EAF1: variants seen among roughly 807,000 people sequenced by gnomAD.
EAF1 encodes the protein ELL-associated factor 1.
EAF1 carries 19 observed loss-of-function variants against 26.6 expected under a neutral mutation model. That is an observed-to-expected ratio of 0.71 (90% CI 0.50 to 1.05). The LOEUF is 1.05. Among genes scored for constraint, EAF1 ranks in the 50% least tolerant of loss-of-function variants. The pLI is 0.00. For missense variants in EAF1, 260 were observed against 335.5 expected, an observed-to-expected ratio of 0.78 and a Z score of 1.76; for synonymous variants, 102 against 120.6, an observed-to-expected ratio of 0.85 and a Z score of 1.01.
intron 1 of EAF1, among the ~76,000 whole-genome samples, 164 bp from the exon 2 acceptor site, chr3:15,429,749 T>G (rs1393456186): frequency 6.6e-6 from 1 of 152,264 alleles, no homozygotes; most frequent in African/African-American, 2.4e-5. Context: ...TCTCTACTTT[T>G]GTGTATCTGA....
intron 4 of EAF1, among the ~76,000 whole-genome samples, chr3:15,434,805 C>T (rs1418878614): frequency 6.6e-6 from 1 of 152,196 alleles, no homozygotes; most frequent in African/African-American, 2.4e-5. Context: ...TTTAAACAAG[C>T]ATGACTTCCA....
intron 5 of EAF1, among the ~76,000 whole-genome samples, chr3:15,436,901 G>A (rs1559506143): frequency 6.6e-6 from 1 of 152,050 alleles, no homozygotes; most frequent in African/African-American, 2.4e-5. Flanking sequence ...TCTGCCCATT[G>A]GTCTTTTTTC....
intron 2 of EAF1, 103 bp downstream of exon 2, chr3:15,430,110 C>T: frequency 2.2e-6 from 2 of 922,146 alleles, no homozygotes; most frequent in Non-Finnish European, 1.6e-6. Context: ...GTTTAGATTT[C>T]TAAAGTGGCA....
In EAF1 at chr3:15,434,411, G is replaced by A. The variant is rs6772957; in HGVS notation, c.399G>A (p.Thr133=). The change falls in exon 4 of 6, where the codon ACG becomes ACA. Residue 133 remains threonine, a synonymous_variant. Transcript: ENST00000396842. ...MEQQPTRPPQ[T]SQPPPPPPPM... ...AGCAGCCCACTCGTCCTCCACAGAC[G>A]TCACAGCCACCACCACCTCCACCAC... The A allele has an allele frequency of 3.6e-3, 5,789 of 1,614,156 alleles. 165 individuals are homozygous for A. In the African/African-American group the frequency reaches 0.064, roughly 18 times the overall value.
At position 15,442,041 on chromosome 3, in the gene EAF1, C is replaced by G. The variant is rs1032726909; in HGVS notation, c.*2886C>G. Reference sequence around the variant, plus strand: ...AAGTTGTGATTGAAGAAACTTAATACAAATGAACTAGAGGTTTGTAATCAT... The same window carrying G: ...AAGTTGTGATTGAAGAAACTTAATAGAAATGAACTAGAGGTTTGTAATCAT... On this transcript the variant is annotated 3_prime_UTR_variant, in exon 6 of 6. Coordinates refer to ENST00000396842, the MANE Select transcript of EAF1 (RefSeq NM_033083.7). 6.6e-6 allele frequency: 1 copy of G among 152,598 alleles called. No individual in the cohort carries two copies. The highest frequency in any genetic ancestry group is 2.4e-5 in the African/African-American group (1 of 41,436). 9.5% of individuals were successfully genotyped at this position (152,598 alleles called of 1,614,324 possible).
rs2061759524 is a variant in EAF1, at chr3:15,427,636, G to C, written c.-144G>C. The stretch of plus-strand genomic sequence containing the variant: ...ACGCAGAGGAGAGAACTTGCTTCTG[G>C]ACCCGGGTGGGTGCCGGCTCGGCTC... On this transcript the variant is annotated 5_prime_UTR_variant, in exon 1 of 6. Transcript: ENST00000396842. The C allele has an allele frequency of 5.0e-6, 4 of 797,514 alleles. No homozygotes were observed. In the Admixed American group the frequency reaches 9.4e-5, roughly 19 times the overall value. 49.4% of individuals were successfully genotyped at this position (797,514 alleles called of 1,614,324 possible).
chr3:15,439,176 A>G lies in EAF1; in HGVS notation c.*21A>G. 6.2e-7 allele frequency: 1 copy of G among 1,611,458 alleles called. No homozygotes were observed. The highest frequency in any genetic ancestry group is 2.2e-5 in the East Asian group (1 of 44,856). Reference sequence around the variant, plus strand: ...ACTAGTGCTGGATCTTTCGAAACCTACTTTTTGGTGCACAAACATGCCGCA... The same window carrying G: ...ACTAGTGCTGGATCTTTCGAAACCTGCTTTTTGGTGCACAAACATGCCGCA... On this transcript the variant is annotated 3_prime_UTR_variant, in exon 6 of 6. Coordinates refer to ENST00000396842, the MANE Select transcript of EAF1 (RefSeq NM_033083.7).
chr3:15,427,988 T>G (rs940419890), intron 1 of EAF1, 106 bp downstream of exon 1: 1 of 901,760 alleles, frequency 1.1e-6, no homozygotes, highest in African/African-American at 1.7e-5. Flanking sequence ...GGGAACCCCC[T>G]GCCAGCGTCA....
Position 15,439,139 on chromosome 3 carries a change from G to T in EAF1, c.791G>T (p.Ser264Ile). The stretch of plus-strand genomic sequence containing the variant: ...GACTTGCAGTTGAGTGAGTCTGGCA[G>T]TGACAGTGATGACTAGTGCTGGATC... ...RNDLQLSESG[S>I]DSDD The change falls in exon 6 of 6, where the codon AGT (serine) becomes ATT (isoleucine). Residue 264 changes from serine (S) to isoleucine (I), a missense_variant. Physicochemically the swap from Ser to Ile is moderately radical, Grantham distance 142. Transcript: ENST00000396842. 1 of 1,613,332 alleles carries T rather than the reference G, an allele frequency of 6.2e-7. No homozygotes were observed. Among genetic ancestry groups the T allele is most frequent in the Non-Finnish European group, 8.5e-7 (1 of 1,179,736 alleles).
intron 2 of EAF1, among the ~76,000 whole-genome samples, chr3:15,431,002 T>C (rs2061798892): frequency 6.6e-6 from 1 of 152,184 alleles, no homozygotes; most frequent in South Asian, 2.1e-4. Context: ...AGTTACATCA[T>C]CTCCCTTTGG....
chr3:15,432,538 T>C (rs553289753), intron 3 of EAF1, among the ~76,000 whole-genome samples: 2 of 152,346 alleles, frequency 1.3e-5, no homozygotes, highest in African/African-American at 2.4e-5. Context: ...AGATAACTTA[T>C]AGACTTATAA....
intron 2 of EAF1, 140 bp from the exon 3 acceptor site, chr3:15,431,947 A>G: frequency 1.0e-6 from 1 of 976,902 alleles, no homozygotes; most frequent in Non-Finnish European, 1.4e-6. Flanking sequence ...CCAGAAGGAG[A>G]TAAAATAGAA....
At chr3:15,432,312 C>A in intron 3 of EAF1, 89 bp downstream of exon 3, 1 of 1,505,600 alleles carries the variant, frequency 6.6e-7, no homozygotes, top group Non-Finnish European at 9.0e-7. Context: ...CATCTGCTTG[C>A]TCATAGTGTT....
chr3:15,436,480 C>T lies in EAF1; in HGVS notation c.665C>T (p.Pro222Leu), dbSNP rs145331815. 1,324 of 1,612,536 alleles carry T rather than the reference C, an allele frequency of 8.2e-4. 11 individuals carry two copies. Among genetic ancestry groups the T allele is most frequent in the Admixed American group, 1.4e-3 (86 of 59,996 alleles). The change falls in exon 5 of 6, where the codon CCG (proline) becomes CTG (leucine). Residue 222 changes from proline (P) to leucine (L), a missense_variant. Coordinates refer to ENST00000396842, the MANE Select transcript of EAF1 (RefSeq NM_033083.7). ...GGEDNGPASP[P>L]QPSHQQPYNS... is the part of the protein sequence containing the mutation. The stretch of plus-strand genomic sequence containing the variant: ...GAGGACAATGGCCCAGCCTCTCCTC[C>T]GCAGCCTTCACACCAGCAGCCCTAC...
At chr3:15,433,476 C>G (rs1057054343) in intron 3 of EAF1, among the ~76,000 whole-genome samples, 2 of 152,174 alleles carry the variant, frequency 1.3e-5, no homozygotes, top group African/African-American at 4.8e-5. Context: ...TATGCAGAAT[C>G]TCAACACCTA....
Position 15,435,395 on chromosome 3 carries a change from T to C in EAF1, c.526+857T>C, listed in dbSNP as rs9825226. 6.2e-3 allele frequency among the ~76,000 whole-genome samples: 941 copies of C among 152,156 alleles called. 14 individuals are homozygous for C. The highest frequency in any genetic ancestry group is 0.021 in the African/African-American group (887 of 41,528). ...AATAATAGTAGGGAAACATAAAGAG[T>C]TGTCCCTGGGAAATTTGCCTTTTCC... is the stretch of plus-strand genomic sequence containing the variant. On this transcript the variant is annotated intron_variant, in intron 4 of 5. Coordinates refer to ENST00000396842, the MANE Select transcript of EAF1 (RefSeq NM_033083.7).
At chr3:15,434,626 C>G in intron 4 of EAF1, 88 bp downstream of exon 4, 1 of 1,467,576 alleles carries the variant, frequency 6.8e-7, no homozygotes, top group African/African-American at 1.4e-5. Flanking sequence ...TGTATTGATA[C>G]AGTGGCTGGG....
intron 3 of EAF1, 123 bp downstream of exon 3, chr3:15,432,346 T>C: frequency 8.3e-7 from 1 of 1,204,080 alleles, no homozygotes; most frequent in Non-Finnish European, 1.2e-6. Context: ...TAACACTACC[T>C]GTGCTCAGAC....
chr3:15,436,439 C>G lies in EAF1; in HGVS notation c.624C>G (p.Ser208Arg). 3 of 1,613,902 alleles carry G rather than the reference C, an allele frequency of 1.9e-6. No individual in the cohort carries two copies. The highest frequency in any genetic ancestry group is 2.5e-6 in the Non-Finnish European group (3 of 1,179,794). The change falls in exon 5 of 6, where the codon AGC (serine) becomes AGG (arginine). Residue 208 changes from serine to arginine, a missense_variant. Physicochemically the swap from Ser to Arg is moderately radical, Grantham distance 110 (BLOSUM62 -1). Coordinates refer to ENST00000396842, the MANE Select transcript of EAF1 (RefSeq NM_033083.7). ...SESSSGSDDDSSSSGGEDNGP... is the reference protein window; with the variant it reads ...SESSSGSDDDRSSSGGEDNGP... ...GCTCTTCGGGAAGTGATGACGATAG[C>G]TCCAGCAGTGGAGGCGAGGACAATG... is the stretch of plus-strand genomic sequence containing the variant.
Sources: gnomAD v4.1 joint callset for allele counts (sites outside exome capture counted in the v4.1 genomes callset) on GRCh38, gnomAD v4.1.1 for gene constraint, MANE v1.5 for transcripts, NCBI Gene and HGNC (gene_info 2026-07-23, HGNC 2026-07-21) for gene names.